The following ATPAF2 variants were observed in gnomAD, a reference collection of about 807,000 sequenced individuals.
ATPAF2 encodes ATP synthase mitochondrial F1 complex assembly factor 2.
A neutral mutation model predicts 36.6 loss-of-function variants in ATPAF2; 30 were observed. That is an observed-to-expected ratio of 0.82 (90% CI 0.61 to 1.11). The LOEUF (loss-of-function observed/expected upper bound fraction) is 1.11. Among genes scored for constraint, ATPAF2 ranks in the 50% most tolerant of loss-of-function variants. ATPAF2 has a pLI of 0.00. For synonymous variants in ATPAF2, 140 were observed against 152.6 expected (o/e 0.92, Z 0.61); for missense variants, 321 against 372.3 (o/e 0.86, Z 1.13).
downstream of ATPAF2, chr17:18,016,168 C>G (rs569837531): frequency 1.9e-5 from 30 of 1,614,000 alleles, no homozygotes; most frequent in African/African-American, 2.5e-4. Context: ...CCAGAATCAA[C>G]TCTTGGTGTA....
Position 18,024,616 on chromosome 17 carries a change from C to T in ATPAF2, c.503+8G>A. ...AGTCAGTGCTTTCTGCAGGGCTGTA[C>T]ATCTTACCTTTTCTCAGCCCATTCG... On this transcript the variant is annotated splice_region_variant and intron_variant, in intron 5 of 7. Transcript: ENST00000474627. 2 of 1,612,774 alleles carry T rather than the reference C, an allele frequency of 1.2e-6. No homozygotes were observed. The highest frequency in any genetic ancestry group is 2.2e-5 in the East Asian group (1 of 44,884).
chr17:18,020,678 C>CTTT (rs748358852), intron 7 of ATPAF2: 10 of 146,348 alleles, frequency 6.8e-5, no homozygotes, highest in East Asian at 1.9e-4. Context: ...ATTATCTTAC[C>CTTT]TTTTTTTTTT....
At chr17:18,019,369 C>T (rs1336272583) in intron 7 of ATPAF2, among the ~76,000 whole-genome samples, 2 of 152,262 alleles carry the variant, frequency 1.3e-5, no homozygotes, top group Non-Finnish European at 2.9e-5. Context: ...GCCATCCCTT[C>T]TCCTACACTT....
chr17:18,038,765 T>A, intron 1 of ATPAF2, 116 bp downstream of exon 1: 1 of 1,459,098 alleles, frequency 6.9e-7, no homozygotes, highest in Non-Finnish European at 9.5e-7. Flanking sequence ...CTGACTGGCC[T>A]GCATAACCTC....
chr17:18,026,187 C>A, intron 4 of ATPAF2, 132 bp downstream of exon 4: 1 of 906,052 alleles, frequency 1.1e-6, no homozygotes, highest in East Asian at 2.4e-5. Context: ...AGCCAAGTGC[C>A]AAAGTCAAGT....
At chr17:18,021,003 G>A (rs891611510) in intron 7 of ATPAF2, 120 bp downstream of exon 7, 59 of 1,472,806 alleles carry the variant, frequency 4.0e-5, no homozygotes, top group Middle Eastern at 1.9e-4. Context: ...TGATTTCTGC[G>A]TGTACATAAA....
intron 1 of ATPAF2, among the ~76,000 whole-genome samples, chr17:18,038,009 T>C (rs2044729344): frequency 2.0e-5 from 3 of 152,262 alleles, no homozygotes; most frequent in Admixed American, 2.0e-4. Flanking sequence ...AGTTTCTTTG[T>C]ATGTCCCTTA....
Position 18,026,768 on chromosome 17 carries a change from G to C in ATPAF2, c.325-352C>G, listed in dbSNP as rs536622540. On this transcript the variant is annotated intron_variant, in intron 3 of 7. Coordinates refer to ENST00000474627, the MANE Select transcript of ATPAF2 (RefSeq NM_145691.4). ...AGGTACTATTATTATGTCCATCTGGGATGTGAAAACTGAGGCCCAGACAGG... is the reference window on the plus strand; with the variant it reads ...AGGTACTATTATTATGTCCATCTGGCATGTGAAAACTGAGGCCCAGACAGG... 17 of 370,618 alleles carry C rather than the reference G, an allele frequency of 4.6e-5. No homozygotes were observed. The East Asian group carries it at 9.6e-4, about 21-fold the overall frequency. 23.0% of individuals were successfully genotyped at this position (370,618 alleles called of 1,614,324 possible).
chr17:18,029,402 A>G (rs1369733856), intron 1 of ATPAF2, among the ~76,000 whole-genome samples: 1 of 152,198 alleles, frequency 6.6e-6, no homozygotes, highest in African/African-American at 2.4e-5. Context: ...GGAAGCTATA[A>G]GCTATAACTC....
At chr17:18,032,942 A>G (rs2044657301) in intron 1 of ATPAF2, among the ~76,000 whole-genome samples, 1 of 151,718 alleles carries the variant, frequency 6.6e-6, no homozygotes, top group Non-Finnish European at 1.5e-5. Flanking sequence ...TGTGGACTAG[A>G]CAGATGGTCA....
In ATPAF2 at chr17:18,039,078, A is replaced by ATT. The variant is rs1365891640; in HGVS notation, c.-66_-65insAA. 6.5e-7 allele frequency: 1 copy of ATT among 1,549,354 alleles called. No homozygotes were observed. ...GGAGCAGGAAACACAGAGCGATGGG[A>ATT]TCCCCAAAGCCGCACGGTCGGGCTG... On this transcript the variant is annotated 5_prime_UTR_variant, in exon 1 of 8. Transcript: ENST00000474627. The surrounding 1 kb of genome is among the most constrained non-coding windows in gnomAD (Gnocchi z 5.3).
chr17:18,036,291 G>A (rs565629582), intron 1 of ATPAF2, among the ~76,000 whole-genome samples: 8 of 152,162 alleles, frequency 5.3e-5, no homozygotes, highest in South Asian at 2.1e-4. Flanking sequence ...CGTGGGGGTC[G>A]GGGGCCGGGC....
At chr17:18,021,708 A>G (rs770092762) in intron 6 of ATPAF2, 37 bp downstream of exon 6, 3 of 1,581,248 alleles carry the variant, frequency 1.9e-6, no homozygotes, top group Non-Finnish European at 2.6e-6. Flanking sequence ...TGGCCTTCAC[A>G]GCCACCTGCC....
downstream of ATPAF2, chr17:18,015,965 C>G: frequency 7.4e-7 from 1 of 1,350,750 alleles, no homozygotes; most frequent in Non-Finnish European, 1.0e-6. Flanking sequence ...GTGGCCTGCA[C>G]AGCCAGGGGA....
At chr17:18,022,594 C>CTTTTT (rs34473758) in intron 5 of ATPAF2, among the ~76,000 whole-genome samples, 4 of 121,388 alleles carry the variant, frequency 3.3e-5, no homozygotes, top group Non-Finnish European at 5.3e-5. Flanking sequence ...TTTTTTCAAA[C>CTTTTT]TTTTTTTTTT....
chr17:18,015,824 G>A, downstream of ATPAF2: 4 of 448,920 alleles, frequency 8.9e-6, no homozygotes, highest in South Asian at 3.2e-5. Context: ...AGCGGGGACT[G>A]CAAAGTAACA....
chr17:18,017,171 C>CAAAAA (rs59274380), downstream of ATPAF2, among the ~76,000 whole-genome samples: 7 of 43,598 alleles, frequency 1.6e-4, 2 homozygotes, highest in Non-Finnish European at 3.1e-4. Context: ...GACTTCGTCT[C>CAAAAA]AAAAAAAAAA....
At chr17:18,016,873 T>TAAAA (rs5819640), downstream of ATPAF2, 2 of 302,874 alleles carry the variant, frequency 6.6e-6, no homozygotes, top group Non-Finnish European at 1.2e-5. Context: ...CCCCTACTCA[T>TAAAA]AAAAAAAAAA....
intron 5 of ATPAF2, 35 bp from the exon 6 acceptor site, chr17:18,021,892 T>C: frequency 6.3e-7 from 1 of 1,588,122 alleles, no homozygotes. Flanking sequence ...GTCTCTGTCA[T>C]GCTGTAGCCC....
Sources: allele counts gnomAD v4.1 joint callset (sites outside exome capture counted in the v4.1 genomes callset), GRCh38; gene constraint gnomAD v4.1.1; non-coding constraint Gnocchi (gnomAD v3.1); transcripts MANE v1.5; gene names NCBI Gene and HGNC (gene_info 2026-07-23, HGNC 2026-07-21).